The following COL5A2 variants were observed in gnomAD, a reference collection of about 807,000 sequenced individuals.
COL5A2 encodes the protein collagen alpha-2(V) chain.
COL5A2 carries 23 observed loss-of-function variants against 208.2 expected under a neutral mutation model. The ratio of observed to expected loss-of-function variants is 0.11; its 90% confidence interval spans 0.08 to 0.16. The LOEUF (loss-of-function observed/expected upper bound fraction) is 0.16, where lower values mean the gene tolerates loss of function less well. COL5A2 is among the 10% of genes least tolerant of loss of function. The pLI, the probability that COL5A2 is intolerant of heterozygous loss-of-function variation, is 1.00. For missense variants in COL5A2, 1,590 were observed against 1,956.4 expected, an observed-to-expected ratio of 0.81 and a Z score of 3.53; for synonymous variants, 625 against 628.5, an observed-to-expected ratio of 0.99 and a Z score of 0.08.
At chr2:189,303,128 A>G in the COL5A2 span, among the ~76,000 whole-genome samples, 1 of 152,208 alleles carries the variant, frequency 6.6e-6, no homozygotes, top group Non-Finnish European at 1.5e-5. Flanking sequence ...GCCACAGTGC[A>G]TGATAAGTGC....
the COL5A2 span, among the ~76,000 whole-genome samples, chr2:189,292,369 T>G: frequency 6.6e-6 from 1 of 152,170 alleles, no homozygotes; most frequent in Admixed American, 6.5e-5. Context: ...TTGGCCATTC[T>G]GCTGCTTCCA....
intron 31 of COL5A2, among the ~76,000 whole-genome samples, chr2:189,059,377 AC>A (rs1340959629): frequency 6.6e-6 from 1 of 152,018 alleles, no homozygotes; most frequent in Non-Finnish European, 1.5e-5. Context: ...GTGCATTCAA[AC>A]CAGTGCAGTC....
Position 189,063,991 on chromosome 2 carries a change from G to C in COL5A2, c.1759C>G (p.Leu587Val). Reference sequence around the variant, plus strand: ...TTTAAATTACTTACCAAAGGTCCAAGTTTTCCTTCAGGACCTTGAACACCA... The same window carrying C: ...TTTAAATTACTTACCAAAGGTCCAACTTTTCCTTCAGGACCTTGAACACCA... ...NPGVQGPEGK[L>V]GPLGAPGEDG... The change falls in exon 26 of 54, where the codon CTT becomes GTT. Residue 587 changes from leucine (L) to valine (V), a missense_variant. Coordinates refer to ENST00000374866, the MANE Select transcript of COL5A2 (RefSeq NM_000393.5). The C allele has an allele frequency of 6.2e-7, 1 of 1,613,080 alleles. No individual in the cohort carries two copies. Among genetic ancestry groups the C allele is most frequent in the Non-Finnish European group, 8.5e-7 (1 of 1,179,426 alleles).
the COL5A2 span, among the ~76,000 whole-genome samples, chr2:189,375,760 G>C: frequency 6.6e-6 from 1 of 152,160 alleles, no homozygotes; most frequent in Non-Finnish European, 1.5e-5. Context: ...TAATTATTTA[G>C]ACATCTGGAA....
chr2:189,133,665 GC>G (rs376864429), intron 1 of COL5A2, among the ~76,000 whole-genome samples: 278 of 152,204 alleles, frequency 1.8e-3, no homozygotes, highest in African/African-American at 6.1e-3. Context: ...CATGCAGCAA[GC>G]CAGTTAGGTG....
At chr2:189,436,309 T>G in the COL5A2 span, among the ~76,000 whole-genome samples, 7 of 152,212 alleles carry the variant, frequency 4.6e-5, no homozygotes, top group East Asian at 1.4e-3. Flanking sequence ...CTAAAGAGCT[T>G]CTGCACAGCA....
rs761310182 is a variant in COL5A2 at position 189,043,255 on chromosome 2, G to T, written c.3367C>A (p.Pro1123Thr). ...CCTTTGTCACCACGAGGTCCTTGGGGTCCCTAGAAATAGAGATATGGCATG... is the reference window on the plus strand; with the variant it reads ...CCTTTGTCACCACGAGGTCCTTGGGTTCCCTAGAAATAGAGATATGGCATG... ...GRAGKRGLPG[P>T]QGPRGDKGDH... The change falls in exon 48 of 54, where the codon CCC becomes ACC. Residue 1123 changes from proline to threonine, a missense_variant. Pro to Thr is a conservative substitution (Grantham distance 38, BLOSUM62 -1). Transcript: ENST00000374866. The T allele has an allele frequency of 1.9e-6, 3 of 1,610,096 alleles. No homozygotes were observed. In the African/African-American group the frequency reaches 4.0e-5, roughly 22 times the overall value.
At chr2:189,388,862 C>T in the COL5A2 span, among the ~76,000 whole-genome samples, 1 of 152,094 alleles carries the variant, frequency 6.6e-6, no homozygotes, top group Non-Finnish European at 1.5e-5. Flanking sequence ...TTTCTAAGCA[C>T]ATTTTATGTT....
At chr2:189,109,937 T>C (rs1210563550) in intron 2 of COL5A2, among the ~76,000 whole-genome samples, 1 of 152,156 alleles carries the variant, frequency 6.6e-6, no homozygotes, top group African/African-American at 2.4e-5. Context: ...ATCATGCATA[T>C]GGTAACAAAT....
intron 1 of COL5A2, among the ~76,000 whole-genome samples, chr2:189,170,747 TA>T (rs1306919541): frequency 1.1e-4 from 16 of 147,142 alleles, no homozygotes; most frequent in Admixed American, 2.7e-4. Flanking sequence ...CACTCTTAGG[TA>T]AAAAAAAAAG....
At chr2:189,374,419 C>T in the COL5A2 span, among the ~76,000 whole-genome samples, 323 of 151,762 alleles carry the variant, frequency 2.1e-3, 2 homozygotes, top group African/African-American at 7.3e-3. Flanking sequence ...AAATCAACCA[C>T]GGCCTCAAAA....
chr2:189,080,109 T>G, intron 13 of COL5A2, 78 bp from the exon 14 acceptor site: 2 of 1,047,426 alleles, frequency 1.9e-6, no homozygotes, highest in Non-Finnish European at 2.9e-6. Context: ...AAAATAAGCT[T>G]GCAGAAATTG....
At chr2:189,317,728 G>C in the COL5A2 span, among the ~76,000 whole-genome samples, 1 of 152,064 alleles carries the variant, frequency 6.6e-6, no homozygotes, top group South Asian at 2.1e-4. Context: ...CTAAAAGTTA[G>C]GTATGTGGCT....
At chr2:189,258,113 C>T in the COL5A2 span, among the ~76,000 whole-genome samples, 1 of 150,850 alleles carries the variant, frequency 6.6e-6, no homozygotes, top group African/African-American at 2.4e-5. Flanking sequence ...GATTCTGTCT[C>T]AAAAAAAATA....
At chr2:189,407,893 T>C in the COL5A2 span, among the ~76,000 whole-genome samples, 9 of 152,270 alleles carry the variant, frequency 5.9e-5, no homozygotes, top group Middle Eastern at 3.4e-3. Context: ...TCTGGGAAAA[T>C]AAAAATATTA....
the COL5A2 span, among the ~76,000 whole-genome samples, chr2:189,235,681 T>C: frequency 2.6e-5 from 4 of 151,802 alleles, no homozygotes; most frequent in African/African-American, 7.2e-5. Flanking sequence ...TGTATGAACA[T>C]ACCATAATTT....
chr2:189,162,552 C>T (rs761385208), intron 1 of COL5A2, among the ~76,000 whole-genome samples: 7 of 152,162 alleles, frequency 4.6e-5, no homozygotes, highest in Non-Finnish European at 7.4e-5. Context: ...AAGTGCTTTA[C>T]GATGACCAAA....
intron 1 of COL5A2, among the ~76,000 whole-genome samples, chr2:189,156,278 C>T (rs1415405202): frequency 6.6e-6 from 1 of 152,072 alleles, no homozygotes; most frequent in African/African-American, 2.4e-5. Context: ...GAGACTTGTT[C>T]ATTACTGTAT....
the COL5A2 span, among the ~76,000 whole-genome samples, chr2:189,259,405 A>G: frequency 7.6e-4 from 116 of 152,306 alleles, no homozygotes; most frequent in African/African-American, 2.7e-3. Flanking sequence ...TGGTAACCAT[A>G]TAACATCAAT....
Sources: gnomAD v4.1 joint callset for allele counts (sites outside exome capture counted in the v4.1 genomes callset) on GRCh38, gnomAD v4.1.1 for gene constraint, MANE v1.5 for transcripts, NCBI Gene and HGNC (gene_info 2026-07-23, HGNC 2026-07-21) for gene names.